KPNA7: variants seen among roughly 807,000 people sequenced by gnomAD.
The protein encoded by KPNA7 is karyopherin subunit alpha 7.
A neutral mutation model predicts 53.7 loss-of-function variants in KPNA7; 54 were observed. The observed-to-expected ratio is 1.01, with a 90% CI of 0.81 to 1.26. The LOEUF (loss-of-function observed/expected upper bound fraction) is 1.26, where lower values mean the gene tolerates loss of function less well. Ranked by LOEUF, KPNA7 falls within the 50% of genes most tolerant of loss-of-function variation. The pLI is 0.00. For synonymous variants in KPNA7, 276 were observed against 259.3 expected (o/e 1.06, Z -0.62); for missense variants, 640 against 644.5 (o/e 0.99, Z 0.07).
At chr7:99,177,793 G>C (rs1420167654) in intron 10 of KPNA7, 127 bp downstream of exon 10, 1 of 865,212 alleles carries the variant, frequency 1.2e-6, no homozygotes, top group Non-Finnish European at 1.8e-6. Flanking sequence ...AGAGGATGTG[G>C]CAGGAGTGAA....
the KPNA7 span, among the ~76,000 whole-genome samples, chr7:99,157,390 G>T: frequency 7.9e-5 from 12 of 152,012 alleles, no homozygotes; most frequent in African/African-American, 2.2e-4. Flanking sequence ...TGTATTTTTA[G>T]TAGAAACAGG....
At chr7:99,196,676 C>A (rs886417051) in intron 3 of KPNA7, among the ~76,000 whole-genome samples, 1 of 152,048 alleles carries the variant, frequency 6.6e-6, no homozygotes, top group Non-Finnish European at 1.5e-5. Flanking sequence ...ACCCTCAGCT[C>A]CATGGTAACC....
At chr7:99,216,131 G>A (rs1429243778) in intron 1 of KPNA7, among the ~76,000 whole-genome samples, 1 of 152,064 alleles carries the variant, frequency 6.6e-6, no homozygotes, top group Non-Finnish European at 1.5e-5. Context: ...GGGCTCAGAT[G>A]ACCTCTCACC....
intron 1 of KPNA7, among the ~76,000 whole-genome samples, chr7:99,218,927 T>C (rs567511190): frequency 6.6e-6 from 1 of 152,328 alleles, no homozygotes; most frequent in African/African-American, 2.4e-5. Context: ...TCGCACTTTC[T>C]CACACAGGGA....
At chr7:99,178,191 T>G (rs1430475934) in intron 9 of KPNA7, 125 bp from the exon 10 acceptor site, 1 of 783,214 alleles carries the variant, frequency 1.3e-6, no homozygotes, top group Non-Finnish European at 2.0e-6. Flanking sequence ...CCAGAATGGA[T>G]AGTTGCAATT....
Position 99,176,255 on chromosome 7 carries a change from G to A in KPNA7, c.1464+1665C>T, listed in dbSNP as rs573830598. On this transcript the variant is annotated intron_variant, in intron 10 of 10. Transcript: ENST00000327442. ...GGAGGTTGCAGTGAGCCAAGATCGC[G>A]CCACTGCACTCCAGCCTGGGCAGCT... Among the ~76,000 whole-genome samples, 8 of 138,100 alleles carry A rather than the reference G, an allele frequency of 5.8e-5. No individual in the cohort carries two copies. In the East Asian group the frequency reaches 1.5e-3, roughly 26 times the overall value. The allele number at this position is 138,100 out of a possible 152,430, so 90.6% of individuals were successfully genotyped here.
chr7:99,148,262 T>C, the KPNA7 span, among the ~76,000 whole-genome samples: 1 of 152,220 alleles, frequency 6.6e-6, no homozygotes, highest in Non-Finnish European at 1.5e-5. Context: ...GCAATGGCTT[T>C]ACACAGAGCA....
chr7:99,169,728 A>G (rs1297479642), downstream of KPNA7, among the ~76,000 whole-genome samples: 1 of 151,096 alleles, frequency 6.6e-6, no homozygotes, highest in Non-Finnish European at 1.5e-5. Context: ...AGGAAAACTA[A>G]CCAGCCCATG....
upstream of KPNA7, among the ~76,000 whole-genome samples, chr7:99,209,615 G>A (rs879397981): frequency 3.9e-4 from 59 of 149,594 alleles, no homozygotes; most frequent in African/African-American, 1.2e-3. Flanking sequence ...CCCAGGGGGC[G>A]GAGGTTGCCG....
intron 1 of KPNA7, among the ~76,000 whole-genome samples, chr7:99,213,518 A>T (rs1286037757): frequency 6.7e-6 from 1 of 150,098 alleles, no homozygotes; most frequent in Non-Finnish European, 1.5e-5. Flanking sequence ...ATCATAACTC[A>T]CTGCAGCCTT....
the KPNA7 span, among the ~76,000 whole-genome samples, chr7:99,146,570 G>C: frequency 6.6e-6 from 1 of 151,838 alleles, no homozygotes. Context: ...AAGTTAACTG[G>C]GTGTGGTGGT....
chr7:99,198,541 C>T (rs1339808517), intron 3 of KPNA7, among the ~76,000 whole-genome samples: 5 of 151,988 alleles, frequency 3.3e-5, no homozygotes, highest in African/African-American at 9.7e-5. Context: ...ACATGATCAT[C>T]TCAATGCAGA....
intron 1 of KPNA7, among the ~76,000 whole-genome samples, chr7:99,213,273 C>A (rs1791122447): frequency 1.3e-5 from 2 of 151,076 alleles, no homozygotes; most frequent in East Asian, 3.9e-4. Context: ...ACTAAAGGCT[C>A]ACACCACCAC....
At chr7:99,181,308 T>C (rs1456999552) in intron 9 of KPNA7, among the ~76,000 whole-genome samples, 3 of 152,252 alleles carry the variant, frequency 2.0e-5, no homozygotes, top group African/African-American at 7.2e-5. Context: ...CTTTATCCGA[T>C]TTACTTTATC....
At chr7:99,172,313 C>T (rs545295585), downstream of KPNA7, among the ~76,000 whole-genome samples, 62 of 152,256 alleles carry the variant, frequency 4.1e-4, no homozygotes, top group African/African-American at 1.3e-3. Flanking sequence ...GTGGAAGAGG[C>T]ATGGGTCCTC....
intron 7 of KPNA7, among the ~76,000 whole-genome samples, chr7:99,187,803 A>T (rs1205105036): frequency 0.028 from 23 of 824 alleles, no homozygotes; most frequent in African/African-American, 0.048. Flanking sequence ...TTTTTTTAAA[A>T]AAAAAAAAAA....
chr7:99,147,946 G>A, the KPNA7 span, among the ~76,000 whole-genome samples: 2 of 151,686 alleles, frequency 1.3e-5, no homozygotes, highest in Admixed American at 1.3e-4. Context: ...GAGCCCAGTA[G>A]CGCAAGGCTG....
Position 99,193,090 on chromosome 7 carries a change from C to T in KPNA7, c.565G>A (p.Glu189Lys). Residue 189 changes from glutamate (E) to lysine (K), a missense_variant, in exon 6 of 11, where the codon GAG (glutamate) becomes AAG (lysine). Transcript: ENST00000327442. ...CTTGTGATGACGTTATCTCTGAACTCTGGGCCATCACCTACAAATAGAGCA... is the reference window on the plus strand; with the variant it reads ...CTTGTGATGACGTTATCTCTGAACTTTGGGCCATCACCTACAAATAGAGCA... ...ALGNIAGDGP[E>K]FRDNVITSNA... The T allele has an allele frequency of 6.7e-7, 1 of 1,495,356 alleles. No individual in the cohort carries two copies. 92.6% of individuals were successfully genotyped at this position (1,495,356 alleles called of 1,614,324 possible).
chr7:99,177,810 C>A (rs1798967654), intron 10 of KPNA7, 110 bp downstream of exon 10: 7 of 1,127,982 alleles, frequency 6.2e-6, no homozygotes, highest in Non-Finnish European at 8.7e-6. Context: ...TGAAGACCAC[C>A]TGCCCAGTCA....
Sources: gnomAD v4.1 joint callset for allele counts (sites outside exome capture counted in the v4.1 genomes callset) on GRCh38, gnomAD v4.1.1 for gene constraint, MANE v1.5 for transcripts, NCBI Gene and HGNC (gene_info 2026-07-23, HGNC 2026-07-21) for gene names.